ECPAS: variants seen among roughly 807,000 people sequenced by gnomAD.
ECPAS encodes proteasome adapter and scaffold protein ECM29.
ECPAS carries 70 observed loss-of-function variants against 255.1 expected under a neutral mutation model. The observed-to-expected ratio is 0.27, with a 90% CI of 0.23 to 0.33. The LOEUF (loss-of-function observed/expected upper bound fraction) is 0.33. ECPAS is among the 10% of genes least tolerant of loss of function. The probability of loss-of-function intolerance (pLI) is 1.00; values close to 1 mark genes in which losing one functional copy is unlikely to be tolerated. For synonymous variants in ECPAS, 784 were observed against 775.0 expected (o/e 1.01, Z -0.19); for missense variants, 1,817 against 2,206.4 (o/e 0.82, Z 3.54).
Position 111,389,674 on chromosome 9 carries a change from A to G in ECPAS, c.3329T>C (p.Leu1110Pro). ...NVIATRAGEQ[L>P]APFLPQLVPR... ...AACTAGCTGAGGCAGAAAAGGAGCCAGCTGCTCTCCAGCTCTGGTAGCAAT... is the reference window on the plus strand; with the variant it reads ...AACTAGCTGAGGCAGAAAAGGAGCCGGCTGCTCTCCAGCTCTGGTAGCAAT... The change falls in exon 31 of 50, where the codon CTG (leucine) becomes CCG (proline). Residue 1110 changes from leucine (L) to proline (P), a missense_variant. Leu to Pro is a moderately conservative substitution (Grantham distance 98, BLOSUM62 -3). Transcript: ENST00000684092. 6.2e-7 allele frequency: 1 copy of G among 1,613,974 alleles called. No homozygotes were observed. Among genetic ancestry groups the G allele is most frequent in the Non-Finnish European group, 8.5e-7 (1 of 1,179,848 alleles).
At chr9:111,455,433 G>A (rs1467271147) in intron 2 of ECPAS, among the ~76,000 whole-genome samples, 2 of 152,194 alleles carry the variant, frequency 1.3e-5, no homozygotes, top group African/African-American at 4.8e-5. Context: ...GCAGTGAGCA[G>A]ATATCGTGCC....
At chr9:111,386,958 A>G (rs1056829849) in intron 31 of ECPAS, among the ~76,000 whole-genome samples, 1 of 152,220 alleles carries the variant, frequency 6.6e-6, no homozygotes, top group African/African-American at 2.4e-5. Flanking sequence ...ACAAAATCAT[A>G]CAATAACTGT....
chr9:111,453,312 T>C (rs930912499), intron 2 of ECPAS, among the ~76,000 whole-genome samples: 6 of 151,982 alleles, frequency 3.9e-5, no homozygotes, highest in Non-Finnish European at 8.8e-5. Context: ...AAGAACGTCA[T>C]TGCCCAAGCA....
At chr9:111,387,215 C>T (rs1048873701) in intron 31 of ECPAS, among the ~76,000 whole-genome samples, 9 of 152,096 alleles carry the variant, frequency 5.9e-5, no homozygotes, top group African/African-American at 1.7e-4. Flanking sequence ...ATCATCAGTG[C>T]AGTTACTGAG....
At chr9:111,435,136 T>G (rs1057431078) in intron 7 of ECPAS, among the ~76,000 whole-genome samples, 1 of 151,390 alleles carries the variant, frequency 6.6e-6, no homozygotes, top group Non-Finnish European at 1.5e-5. Flanking sequence ...TGACCTCAAG[T>G]GATCCACCCA....
At chr9:111,464,623 T>C (rs927703579) in intron 2 of ECPAS, among the ~76,000 whole-genome samples, 6 of 152,216 alleles carry the variant, frequency 3.9e-5, no homozygotes, top group Non-Finnish European at 5.9e-5. Flanking sequence ...ACATGTTACA[T>C]GAGCCAACAA....
Position 111,370,448 on chromosome 9 carries a change from G to C in ECPAS, c.4961C>G (p.Pro1654Arg), listed in dbSNP as rs1377699840. 1 of 1,593,750 alleles carries C rather than the reference G, an allele frequency of 6.3e-7. No homozygotes were observed. Among genetic ancestry groups the C allele is most frequent in the Non-Finnish European group, 8.6e-7 (1 of 1,168,904 alleles). ...AGGTGGTATTACCTTCTTGATGAGA[G>C]GTATGACAATGTTAGAGAACTCCTG... ...RFQEFSNIVI[P>R]LIKKNSLESS... The change falls in exon 45 of 50, where the codon CCT becomes CGT. Residue 1654 changes from proline (P) to arginine (R), a missense_variant. Around this residue, in one of 4 missense-constraint regions of ECPAS, gnomAD observed 960 missense variants for 1,179.0 expected, o/e 0.81. Coordinates refer to ENST00000684092, the MANE Select transcript of ECPAS (RefSeq NM_001364929.1).
At chr9:111,420,157 C>G in intron 15 of ECPAS, 37 bp from the exon 16 acceptor site, 1 of 1,403,316 alleles carries the variant, frequency 7.1e-7, no homozygotes, top group Non-Finnish European at 1.0e-6. Context: ...CCACCCCGAT[C>G]CGAAAAAGGA....
Position 111,373,981 on chromosome 9 carries a change from GTGT to G in ECPAS, c.4165_4167del (p.Thr1389del). The stretch of plus-strand genomic sequence containing the variant: ...CCCTTGACAAACTCACCTGAGTAAG[GTGT>G]TAGGTCCTGAGGACACTGAGTAGTT... On this transcript the variant is annotated inframe_deletion, in exon 39 of 50. Coordinates refer to ENST00000684092, the MANE Select transcript of ECPAS (RefSeq NM_001364929.1). The G allele has an allele frequency of 6.2e-7, 1 of 1,612,116 alleles. No homozygotes were observed. The highest frequency in any genetic ancestry group is 8.5e-7 in the Non-Finnish European group (1 of 1,178,234).
At position 111,376,548 on chromosome 9, in the gene ECPAS, A is replaced by T. The variant is rs1423554662; in HGVS notation, c.3955-7T>A. On this transcript the variant is annotated splice_polypyrimidine_tract_variant and splice_region_variant and intron_variant, in intron 36 of 49. Transcript: ENST00000684092. ...GAGCACTATCCATCGCAGCCTAAAG[A>T]AGAGAAATTAAAGTCACCCGGCACA... 4 of 1,588,550 alleles carry T rather than the reference A, an allele frequency of 2.5e-6. No individual in the cohort carries two copies. The highest frequency in any genetic ancestry group is 3.4e-6 in the Non-Finnish European group (4 of 1,166,544).
chr9:111,476,129 AT>A (rs1469546465), intron 1 of ECPAS, among the ~76,000 whole-genome samples: 1 of 152,230 alleles, frequency 6.6e-6, no homozygotes, highest in Non-Finnish European at 1.5e-5. Context: ...GTCAAATTGA[AT>A]AGTGCATCCT....
intron 24 of ECPAS, among the ~76,000 whole-genome samples, chr9:111,407,428 A>AAAAGAAAAAAAAAAAAAAAG (rs1554786299): frequency 1.0e-5 from 1 of 98,726 alleles, no homozygotes; most frequent in South Asian, 3.2e-4. Context: ...AAAAAAAAAA[A>AAAAGAAAAAAAAAAAAAAAG]AAAAAAAAAA....
intron 28 of ECPAS, 22 bp downstream of exon 28, chr9:111,392,745 TA>T: frequency 6.6e-7 from 1 of 1,524,234 alleles, no homozygotes; most frequent in Non-Finnish European, 9.1e-7. Context: ...GGCTTGAATC[TA>T]AAATTTTCAA....
intron 24 of ECPAS, among the ~76,000 whole-genome samples, chr9:111,405,807 A>G (rs1023095563): frequency 6.7e-6 from 1 of 149,888 alleles, no homozygotes; most frequent in Non-Finnish European, 1.5e-5. Context: ...ATCACTGATC[A>G]TGATAGAAAT....
intron 49 of ECPAS, 110 bp downstream of exon 49, chr9:111,363,478 T>A (rs1201436129): frequency 3.2e-6 from 2 of 620,964 alleles, no homozygotes; most frequent in Non-Finnish European, 2.8e-6. Context: ...CATACTGATT[T>A]GTATTTCAGA....
chr9:111,477,765 G>A (rs1205584188), intron 1 of ECPAS, among the ~76,000 whole-genome samples: 3 of 152,058 alleles, frequency 2.0e-5, no homozygotes, highest in Non-Finnish European at 2.9e-5. Flanking sequence ...AGAACACACG[G>A]TAAACACACA....
chr9:111,378,749 C>T lies in ECPAS; in HGVS notation c.3804-19G>A. The T allele has an allele frequency of 6.3e-7, 1 of 1,593,034 alleles. No individual in the cohort carries two copies. The highest frequency in any genetic ancestry group is 8.6e-7 in the Non-Finnish European group (1 of 1,165,422). ...GTTAATGCTACAAACATATGGAACA[C>T]AACTCCTGAGTCCTTTTAACAAAAG... On this transcript the variant is annotated intron_variant, in intron 35 of 49. Coordinates refer to ENST00000684092, the MANE Select transcript of ECPAS (RefSeq NM_001364929.1).
At chr9:111,417,047 G>A (rs185319738) in intron 17 of ECPAS, among the ~76,000 whole-genome samples, 17 of 152,082 alleles carry the variant, frequency 1.1e-4, no homozygotes, top group Admixed American at 6.5e-4. Flanking sequence ...GAGAACCAGC[G>A]TGGGCAATAT....
Position 111,413,907 on chromosome 9 carries a change from T to G in ECPAS, c.2067A>C (p.Thr689=), listed in dbSNP as rs762916128. ...ATGCAGAACATACCTTTATCCATTC[T>G]GTTTTGTCTACAAATTTGGTAGCCA... ...EKLATKFVDK[T]EWIKSLMNNS... Residue 689 remains threonine, a synonymous_variant, in exon 20 of 50, where the codon ACA becomes ACC. Transcript: ENST00000684092. The G allele has an allele frequency of 6.4e-7, 1 of 1,573,568 alleles. No homozygotes were observed. The highest frequency in any genetic ancestry group is 8.6e-7 in the Non-Finnish European group (1 of 1,156,390).
Sources: gnomAD v4.1 joint callset for allele counts (sites outside exome capture counted in the v4.1 genomes callset) on GRCh38, gnomAD v4.1.1 for gene constraint, gnomAD v4.1.1 regional missense constraint, MANE v1.5 for transcripts, NCBI Gene and HGNC (gene_info 2026-07-23, HGNC 2026-07-21) for gene names.